MERTK: variants seen among roughly 807,000 people sequenced by gnomAD.
MERTK encodes the protein MER proto-oncogene, tyrosine kinase.
In MERTK, 69 loss-of-function variants were observed where a neutral mutation model predicts 99.3. The ratio of observed to expected loss-of-function variants is 0.70; its 90% CI spans 0.57 to 0.85. The LOEUF (loss-of-function observed/expected upper bound fraction) is 0.85, where lower values mean the gene tolerates loss of function less well. Ranked by LOEUF, MERTK falls within the 40% of genes least tolerant of loss-of-function variation. The probability of loss-of-function intolerance (pLI) is 0.00; values close to 1 mark genes in which losing one functional copy is unlikely to be tolerated. For synonymous variants in MERTK, 426 were observed against 467.6 expected (o/e 0.91, Z 1.15); for missense variants, 1,125 against 1,249.4 (o/e 0.90, Z 1.50).
intron 2 of MERTK, 102 bp downstream of exon 2, chr2:111,929,642 A>G (rs1684634025): frequency 1.1e-6 from 1 of 943,108 alleles, no homozygotes; most frequent in Non-Finnish European, 1.5e-6. Flanking sequence ...GCTGGAGTGC[A>G]GTGGCACGAT....
chr2:111,940,793 A>T, intron 2 of MERTK: 1 of 1,040,872 alleles, frequency 9.6e-7, no homozygotes, highest in Non-Finnish European at 1.5e-6. Flanking sequence ...CCAAGAAGCC[A>T]GTCAATAGCT....
intron 18 of MERTK, among the ~76,000 whole-genome samples, chr2:112,025,127 C>G (rs1558812426): frequency 1.3e-5 from 2 of 152,268 alleles, no homozygotes; most frequent in Admixed American, 6.5e-5. Flanking sequence ...TCAGTCAGTT[C>G]CTCTCCTCTC....
At chr2:111,965,307 T>C in intron 5 of MERTK, 30 bp downstream of exon 5, 2 of 1,608,454 alleles carry the variant, frequency 1.2e-6, no homozygotes, top group Non-Finnish European at 1.7e-6. Context: ...TCCCCATGCA[T>C]GTTCTGGGAG....
intron 2 of MERTK, chr2:111,941,119 A>G (rs745905808): frequency 1.1e-5 from 4 of 355,950 alleles, no homozygotes; most frequent in South Asian, 3.1e-5. Flanking sequence ...TGGGACTTGC[A>G]TGCCTGAAAA....
intron 2 of MERTK, among the ~76,000 whole-genome samples, chr2:111,932,518 T>G (rs953388520): frequency 6.6e-6 from 1 of 152,218 alleles, no homozygotes; most frequent in Non-Finnish European, 1.5e-5. Flanking sequence ...GCATACAGGA[T>G]GATACCAAAT....
rs6748219 is a variant in MERTK, at chr2:111,975,149, T to C, written c.961-140T>C. The C allele has an allele frequency of 1.8e-3, 1,444 of 816,238 alleles. 22 individuals are homozygous for C. In the African/African-American group the frequency reaches 0.021, roughly 12 times the overall value. 50.6% of individuals were successfully genotyped at this position (816,238 alleles called of 1,614,324 possible). A position where few individuals can be genotyped will look rare whatever the true frequency, so the allele number is the denominator to read the frequency against. ...ACACACAGTGATGCTAGCGGTAAAA[T>C]GTGTGTGTGCCCAGAAAGGAAGCAG... is the stretch of plus-strand genomic sequence containing the variant. On this transcript the variant is annotated intron_variant, in intron 6 of 18. Transcript: ENST00000295408.
chr2:112,013,029 C>CT (rs939704815), intron 15 of MERTK, among the ~76,000 whole-genome samples: 3 of 152,026 alleles, frequency 2.0e-5, no homozygotes, highest in Non-Finnish European at 4.4e-5. Context: ...TTTTGCTTTG[C>CT]TTTTTTTCCC....
chr2:111,909,147 A>G (rs1409452430), intron 1 of MERTK, among the ~76,000 whole-genome samples: 1 of 152,216 alleles, frequency 6.6e-6, no homozygotes, highest in East Asian at 1.9e-4. Context: ...GGTGCAGAGA[A>G]AAGGGAACTC....
chr2:111,923,074 T>C (rs1310479376), intron 1 of MERTK, among the ~76,000 whole-genome samples: 1 of 152,228 alleles, frequency 6.6e-6, no homozygotes, highest in African/African-American at 2.4e-5. Context: ...GGACCACCTC[T>C]CTTCCCTGCT....
intron 2 of MERTK, among the ~76,000 whole-genome samples, chr2:111,935,165 C>T (rs1219814596): frequency 1.3e-5 from 2 of 152,168 alleles, no homozygotes; most frequent in African/African-American, 4.8e-5. Context: ...CAAGTACACA[C>T]TAGTTATCAA....
chr2:111,961,225 G>T (rs564537271), intron 4 of MERTK, among the ~76,000 whole-genome samples: 1 of 129,300 alleles, frequency 7.7e-6, no homozygotes, highest in Non-Finnish European at 1.6e-5. Flanking sequence ...GCAGTGGTGT[G>T]ATCTCGGCTC....
chr2:111,982,873 G>C lies in MERTK; in HGVS notation c.1176G>C (p.Val392=). Residue 392 remains valine, a synonymous_variant, in exon 8 of 19, where the codon GTG becomes GTC. Coordinates refer to ENST00000295408, the MANE Select transcript of MERTK (RefSeq NM_006343.3). ...APSVAPLNVT[V]FLNESSDNVD... ...CAGTAGCACCTTTAAATGTCACTGT[G>C]TTTCTGAATGAATCTAGTGATAATG... 1 of 1,614,060 alleles carries C rather than the reference G, an allele frequency of 6.2e-7. No individual in the cohort carries two copies. The highest frequency in any genetic ancestry group is 8.5e-7 in the Non-Finnish European group (1 of 1,179,974).
chr2:111,905,649 A>G (rs894961942), intron 1 of MERTK, among the ~76,000 whole-genome samples: 5 of 151,614 alleles, frequency 3.3e-5, no homozygotes, highest in African/African-American at 9.7e-5. Context: ...TGTATTTTTT[A>G]GTAGAGACAA....
chr2:111,943,752 C>G (rs1684905943), intron 2 of MERTK, among the ~76,000 whole-genome samples: 1 of 152,114 alleles, frequency 6.6e-6, no homozygotes, highest in Admixed American at 6.5e-5. Context: ...AGGCTACCAG[C>G]TCTCCATTTT....
chr2:111,944,920 G>A, intron 2 of MERTK, 40 bp from the exon 3 acceptor site: 1 of 1,519,696 alleles, frequency 6.6e-7, no homozygotes, highest in Non-Finnish European at 9.1e-7. Flanking sequence ...GAACTCAAAG[G>A]GTAGTCACTG....
chr2:111,990,272 C>T (rs1676590049), intron 8 of MERTK, among the ~76,000 whole-genome samples: 1 of 152,086 alleles, frequency 6.6e-6, no homozygotes, highest in African/African-American at 2.4e-5. Context: ...TTAAGGATAT[C>T]CTTAGAGAAA....
At chr2:111,908,084 G>T (rs550774739) in intron 1 of MERTK, among the ~76,000 whole-genome samples, 2 of 152,204 alleles carry the variant, frequency 1.3e-5, no homozygotes. Flanking sequence ...CATCCCAGGA[G>T]GGGTATGTAT....
At chr2:112,004,633 C>T (rs920856196) in intron 13 of MERTK, among the ~76,000 whole-genome samples, 5 of 152,136 alleles carry the variant, frequency 3.3e-5, no homozygotes, top group South Asian at 2.1e-4. Flanking sequence ...CTTAACCAGC[C>T]GGGCACGGTG....
intron 1 of MERTK, among the ~76,000 whole-genome samples, chr2:111,918,518 C>A (rs1684394716): frequency 6.6e-6 from 1 of 152,192 alleles, no homozygotes; most frequent in African/African-American, 2.4e-5. Context: ...AGACCCTGGC[C>A]AGACAGTATT....
Sources: gnomAD v4.1 joint callset for allele counts (sites outside exome capture counted in the v4.1 genomes callset) on GRCh38, gnomAD v4.1.1 for gene constraint, MANE v1.5 for transcripts, NCBI Gene and HGNC (gene_info 2026-07-23, HGNC 2026-07-21) for gene names.